The following GRID2 variants were observed in gnomAD, a reference collection of about 807,000 sequenced individuals.
GRID2 encodes the protein glutamate ionotropic receptor delta type subunit 2, also known as glutamate receptor ionotropic, delta-2.
A neutral mutation model predicts 114.8 loss-of-function variants in GRID2; 33 were observed. The observed-to-expected ratio is 0.29, with a 90% CI of 0.22 to 0.38. GRID2 has a LOEUF of 0.38. GRID2 is among the 10% of genes least tolerant of loss of function. GRID2 has a pLI of 1.00. For synonymous variants in GRID2, 505 were observed against 449.9 expected (o/e 1.12, Z -1.55); for missense variants, 1,184 against 1,257.7 (o/e 0.94, Z 0.89).
chr4:93,221,223 T>C (rs1054110911), intron 6 of GRID2, among the ~76,000 whole-genome samples: 1 of 152,140 alleles, frequency 6.6e-6, no homozygotes, highest in Non-Finnish European at 1.5e-5. Context: ...CAATTCTGGA[T>C]ACTAAATTTT....
intron 1 of GRID2, among the ~76,000 whole-genome samples, chr4:92,335,199 C>A (rs187035463): frequency 2.6e-5 from 4 of 152,166 alleles, no homozygotes; most frequent in Non-Finnish European, 5.9e-5. Context: ...TCAAGCTACA[C>A]CCTTTGCAGA....
intron 13 of GRID2, among the ~76,000 whole-genome samples, chr4:93,565,317 C>T (rs984414955): frequency 9.9e-5 from 15 of 152,086 alleles, no homozygotes; most frequent in African/African-American, 3.6e-4. Context: ...ATATCAATAT[C>T]TTGATTGTGA....
At chr4:93,259,494 G>A (rs1231347937) in intron 8 of GRID2, among the ~76,000 whole-genome samples, 2 of 151,660 alleles carry the variant, frequency 1.3e-5, no homozygotes, top group Non-Finnish European at 3.0e-5. Flanking sequence ...CCAAATGATA[G>A]GCTTTTTACA....
At chr4:92,574,757 T>C (rs187951771) in intron 1 of GRID2, among the ~76,000 whole-genome samples, 1 of 152,266 alleles carries the variant, frequency 6.6e-6, no homozygotes, top group African/African-American at 2.4e-5. Context: ...CTTAACACTT[T>C]TTCTTTCATT....
Position 93,140,815 on chromosome 4 carries a change from A to C in GRID2, c.735+29862A>C, listed in dbSNP as rs557861617. 5.3e-4 allele frequency among the ~76,000 whole-genome samples: 80 copies of C among 152,364 alleles called. 1 individual carries two copies. The highest frequency in any genetic ancestry group is 1.9e-3 in the African/African-American group (80 of 41,580). On this transcript the variant is annotated intron_variant, in intron 4 of 15. Coordinates refer to ENST00000282020, the MANE Select transcript of GRID2 (RefSeq NM_001510.4). ...CAGCAGTATTATGCTCTAGGTTCCC[A>C]GAATACATAAAACTTAATGGCTAGA...
chr4:92,678,333 G>C (rs1378145325), intron 2 of GRID2, among the ~76,000 whole-genome samples: 2 of 151,970 alleles, frequency 1.3e-5, no homozygotes, highest in Non-Finnish European at 1.5e-5. Flanking sequence ...TTTTTTCTCT[G>C]TTTGATGTCT....
At chr4:93,387,334 G>A (rs1204902798) in intron 8 of GRID2, among the ~76,000 whole-genome samples, 1 of 152,054 alleles carries the variant, frequency 6.6e-6, no homozygotes, top group Non-Finnish European at 1.5e-5. Flanking sequence ...CCAGAGTTAG[G>A]TAATATCATT....
chr4:92,777,047 GTGGAAGTA>G (rs1738836435), intron 2 of GRID2, among the ~76,000 whole-genome samples: 1 of 151,824 alleles, frequency 6.6e-6, no homozygotes, highest in Non-Finnish European at 1.5e-5. Context: ...ATTTCTCAGT[GTGGAAGTA>G]AGTCCTCCGC....
At chr4:92,901,988 C>T (rs1170762266) in intron 2 of GRID2, among the ~76,000 whole-genome samples, 1 of 152,004 alleles carries the variant, frequency 6.6e-6, no homozygotes, top group Non-Finnish European at 1.5e-5. Flanking sequence ...ATGAATCCAT[C>T]TGTTCCTGGG....
intron 1 of GRID2, among the ~76,000 whole-genome samples, chr4:92,331,184 A>C (rs1726867408): frequency 6.6e-6 from 1 of 152,192 alleles, no homozygotes; most frequent in Non-Finnish European, 1.5e-5. Context: ...TTTTTGAATA[A>C]AGTTTTAAAT....
intron 13 of GRID2, among the ~76,000 whole-genome samples, chr4:93,611,520 G>A (rs1740910910): frequency 1.4e-5 from 2 of 142,094 alleles, no homozygotes; most frequent in African/African-American, 5.8e-5. Context: ...TTGTGTCTTT[G>A]TTCTCATTGG....
intron 2 of GRID2, among the ~76,000 whole-genome samples, chr4:92,858,219 C>G (rs1578324619): frequency 6.6e-6 from 1 of 152,174 alleles, no homozygotes; most frequent in African/African-American, 2.4e-5. Context: ...TTTTAACTTT[C>G]AATCTAATTA....
At chr4:92,670,571 A>G (rs1034500703) in intron 2 of GRID2, among the ~76,000 whole-genome samples, 4 of 152,104 alleles carry the variant, frequency 2.6e-5, no homozygotes, top group Non-Finnish European at 5.9e-5. Context: ...AATTATTAAT[A>G]CATATAGAGT....
chr4:93,703,999 G>A (rs1294943488), intron 14 of GRID2, among the ~76,000 whole-genome samples: 6 of 152,042 alleles, frequency 3.9e-5, no homozygotes, highest in Non-Finnish European at 7.4e-5. Context: ...ATAATCCTTT[G>A]GGTATATACC....
intron 1 of GRID2, among the ~76,000 whole-genome samples, chr4:92,471,657 A>G (rs574540616): frequency 3.3e-5 from 5 of 152,214 alleles, no homozygotes; most frequent in Admixed American, 6.6e-5. Flanking sequence ...ACAAATTTAA[A>G]TTGTACACTT....
chr4:93,100,963 G>A (rs992111036), intron 3 of GRID2, among the ~76,000 whole-genome samples: 9 of 152,078 alleles, frequency 5.9e-5, no homozygotes, highest in African/African-American at 2.2e-4. Flanking sequence ...AGTATTGCAG[G>A]ATACCTCTAT....
chr4:93,031,032 ATTTTT>A (rs576187018), intron 2 of GRID2, among the ~76,000 whole-genome samples: 3 of 106,198 alleles, frequency 2.8e-5, no homozygotes, highest in Non-Finnish European at 5.4e-5. Context: ...TCCAATCTCC[ATTTTT>A]TTTTTTTTTT....
At chr4:92,555,914 G>A (rs1272157539) in intron 1 of GRID2, among the ~76,000 whole-genome samples, 1 of 152,114 alleles carries the variant, frequency 6.6e-6, no homozygotes, top group East Asian at 1.9e-4. Context: ...CTGGCAGATG[G>A]TACTCAGGGA....
chr4:92,814,815 T>G (rs560412490), intron 2 of GRID2, among the ~76,000 whole-genome samples: 3 of 152,168 alleles, frequency 2.0e-5, no homozygotes, highest in Admixed American at 2.0e-4. Context: ...TCTGGGTGCT[T>G]CTAGCCACCA....
Sources: gnomAD v4.1 joint callset for allele counts (sites outside exome capture counted in the v4.1 genomes callset) on GRCh38, gnomAD v4.1.1 for gene constraint, MANE v1.5 for transcripts, NCBI Gene and HGNC (gene_info 2026-07-23, HGNC 2026-07-21) for gene names.